The following GPR158 variants were observed in gnomAD, a reference collection of about 807,000 sequenced individuals.
GPR158 encodes the protein metabotropic glycine receptor.
Under a neutral mutation model 78.2 loss-of-function variants are expected in GPR158, and 30 were observed. The observed-to-expected ratio is 0.38, with a 90% CI of 0.29 to 0.52. The LOEUF is 0.52. Among genes scored for constraint, GPR158 ranks in the 20% least tolerant of loss-of-function variants. GPR158 has a pLI of 0.83. For missense variants in GPR158, 1,463 were observed against 1,523.5 expected (o/e 0.96, Z 0.66); for synonymous variants, 581 against 591.1 (o/e 0.98, Z 0.25).
At position 25,175,779 on chromosome 10, in the gene GPR158, C is replaced by T. The variant is rs1228264401; in HGVS notation, c.359C>T (p.Pro120Leu). The change falls in exon 1 of 11, where the codon CCC becomes CTC. Residue 120 changes from proline (P) to leucine (L), a missense_variant. Transcript: ENST00000376351. The surrounding 1 kb of genome is among the most constrained non-coding windows in gnomAD (Gnocchi z 6.4). ...GKWPALASAH[P>L]SLHRALDTLT... ...TGGCCAGCCCTGGCCAGCGCGCACCCCTCCTTGCACCGGGCGCTGGACACA... is the reference window on the plus strand; with the variant it reads ...TGGCCAGCCCTGGCCAGCGCGCACCTCTCCTTGCACCGGGCGCTGGACACA... 6.2e-7 allele frequency: 1 copy of T among 1,611,330 alleles called. No individual in the cohort carries two copies.
chr10:25,287,683 A>G (rs1232607029), intron 2 of GPR158, among the ~76,000 whole-genome samples: 2 of 152,114 alleles, frequency 1.3e-5, no homozygotes, highest in Non-Finnish European at 2.9e-5. Context: ...AAATGCATAT[A>G]TCTTGTCTGT....
intron 1 of GPR158, among the ~76,000 whole-genome samples, chr10:25,205,309 ATT>A (rs55954118): frequency 7.1e-4 from 76 of 106,720 alleles, no homozygotes; most frequent in Middle Eastern, 5.7e-3. Flanking sequence ...ATAGTGTTCT[ATT>A]TTTTTTTTTT....
Position 25,277,506 on chromosome 10 carries a change from CCAAA to C in GPR158, c.1008+56359_1008+56362del, listed in dbSNP as rs1209924881. Among the ~76,000 whole-genome samples, 32 of 151,856 alleles carry C rather than the reference CCAAA, an allele frequency of 2.1e-4. No homozygotes were observed. The East Asian group carries it at 5.2e-3, about 25-fold the overall frequency. On this transcript the variant is annotated intron_variant, in intron 2 of 10. Transcript: ENST00000376351. ...AGAGAGAGAGAGACAGAGCCCATCC[CCAAA>C]CAAACAAACGAACAAGAAACAAAAC...
intron 4 of GPR158, among the ~76,000 whole-genome samples, chr10:25,465,569 T>C (rs1588876118): frequency 6.6e-6 from 1 of 152,326 alleles, no homozygotes; most frequent in African/African-American, 2.4e-5. Context: ...CTAATTCTTT[T>C]GAATTTTGAG....
intron 2 of GPR158, among the ~76,000 whole-genome samples, chr10:25,306,675 CT>C (rs1349649148): frequency 1.1e-4 from 17 of 152,150 alleles, no homozygotes; most frequent in Non-Finnish European, 1.9e-4. Context: ...ATAAGTAGAG[CT>C]TCTCCTGAAC....
At chr10:25,420,129 G>T (rs890504130) in intron 4 of GPR158, among the ~76,000 whole-genome samples, 2 of 151,388 alleles carry the variant, frequency 1.3e-5, no homozygotes, top group Non-Finnish European at 2.9e-5. Context: ...TTTCTTAATA[G>T]GGTCTTTTGA....
intron 2 of GPR158, among the ~76,000 whole-genome samples, chr10:25,319,503 T>G (rs1011369746): frequency 1.3e-5 from 2 of 152,194 alleles, no homozygotes; most frequent in Non-Finnish European, 2.9e-5. Context: ...ATCTCTCATA[T>G]TTGATACCCT....
chr10:25,262,470 C>T (rs1853980655), intron 2 of GPR158, among the ~76,000 whole-genome samples: 1 of 152,020 alleles, frequency 6.6e-6, no homozygotes, highest in Non-Finnish European at 1.5e-5. Context: ...GTTTTATTTC[C>T]AAATTTTGTG....
intron 2 of GPR158, among the ~76,000 whole-genome samples, chr10:25,323,838 G>A (rs914752585): frequency 2.0e-5 from 3 of 152,088 alleles, no homozygotes; most frequent in Non-Finnish European, 2.9e-5. Context: ...AGATGTTTTC[G>A]ATAACTTGCT....
chr10:25,558,888 T>C (rs1220674788), intron 6 of GPR158, among the ~76,000 whole-genome samples: 2 of 152,224 alleles, frequency 1.3e-5, no homozygotes, highest in African/African-American at 4.8e-5. Flanking sequence ...TTACATTTAT[T>C]GAGACTTGTT....
intron 4 of GPR158, among the ~76,000 whole-genome samples, chr10:25,439,672 C>T (rs1283566918): frequency 1.3e-5 from 2 of 152,082 alleles, no homozygotes; most frequent in Non-Finnish European, 2.9e-5. Flanking sequence ...AGGTTAGGAG[C>T]CATCCTTGAG....
At chr10:25,184,792 A>G (rs1852658227) in intron 1 of GPR158, among the ~76,000 whole-genome samples, 1 of 152,252 alleles carries the variant, frequency 6.6e-6, no homozygotes, top group South Asian at 2.1e-4. Flanking sequence ...GTAGCAATGT[A>G]ACCAGTTTAG....
intron 5 of GPR158, among the ~76,000 whole-genome samples, chr10:25,521,826 A>G (rs947242867): frequency 1.3e-5 from 2 of 152,214 alleles, no homozygotes; most frequent in Admixed American, 6.5e-5. Flanking sequence ...GCAGAAAAAA[A>G]TCCTACAGAT....
chr10:25,528,876 T>C (rs1347037111), intron 5 of GPR158, among the ~76,000 whole-genome samples: 1 of 152,196 alleles, frequency 6.6e-6, no homozygotes, highest in Non-Finnish European at 1.5e-5. Context: ...ACTCTAAAGT[T>C]ACAGGACTTA....
intron 2 of GPR158, among the ~76,000 whole-genome samples, chr10:25,342,263 G>C (rs1455277507): frequency 6.7e-6 from 1 of 149,390 alleles, no homozygotes; most frequent in Admixed American, 6.7e-5. Context: ...TTTAGGCCTA[G>C]ATGCTAGCAC....
In GPR158 at chr10:25,186,965, T is replaced by TC. The variant is rs1300765350; in HGVS notation, c.902+10643_902+10644insC. 1.2e-3 allele frequency among the ~76,000 whole-genome samples: 175 copies of TC among 141,844 alleles called. 1 individual carries two copies. Among genetic ancestry groups the TC allele is most frequent in the Non-Finnish European group, 1.9e-3 (123 of 66,182 alleles). The allele number at this position is 141,844 out of a possible 152,430, so 93.1% of individuals were successfully genotyped here. On this transcript the variant is annotated intron_variant, in intron 1 of 10. Transcript: ENST00000376351. ...GAGGGAATCCTCCCTAACTCATTTT[T>TC]TTTTTTTTTTTTTTTTTGAGGTGGA... is the stretch of plus-strand genomic sequence containing the variant.
chr10:25,251,953 A>G (rs1331671351), intron 2 of GPR158, among the ~76,000 whole-genome samples: 2 of 152,080 alleles, frequency 1.3e-5, no homozygotes, highest in South Asian at 2.1e-4. Context: ...AGATACACCA[A>G]TCAGACGTAG....
At chr10:25,389,723 C>T (rs1834268708) in intron 2 of GPR158, among the ~76,000 whole-genome samples, 2 of 152,000 alleles carry the variant, frequency 1.3e-5, no homozygotes, top group Non-Finnish European at 2.9e-5. Flanking sequence ...AGGGCTGTGG[C>T]CCTTTGGGGA....
At chr10:25,280,410 A>G (rs1172487703) in intron 2 of GPR158, among the ~76,000 whole-genome samples, 1 of 152,202 alleles carries the variant, frequency 6.6e-6, no homozygotes, top group Non-Finnish European at 1.5e-5. Flanking sequence ...TTTTTACACT[A>G]AGGAATAGAT....
Sources: allele counts gnomAD v4.1 joint callset (sites outside exome capture counted in the v4.1 genomes callset), GRCh38; gene constraint gnomAD v4.1.1; non-coding constraint Gnocchi (gnomAD v3.1); transcripts MANE v1.5; gene names NCBI Gene and HGNC (gene_info 2026-07-23, HGNC 2026-07-21).